CIDEA: variants seen among roughly 807,000 people sequenced by gnomAD.
The protein encoded by CIDEA is cell death inducing DFFA like effector a, also known as lipid transferase CIDEA.
In CIDEA, 10 loss-of-function variants were observed where a neutral mutation model predicts 18.2. That is an observed-to-expected ratio of 0.55 (90% CI 0.34 to 0.93). The LOEUF is 0.93. Ranked by LOEUF, CIDEA falls within the 40% of genes least tolerant of loss-of-function variation. The pLI is 0.02. For missense variants in CIDEA, 309 were observed against 293.1 expected (o/e 1.05, Z -0.40); for synonymous variants, 128 against 124.8 (o/e 1.03, Z -0.17).
rs529921819 is a variant in CIDEA at position 12,277,534 on chromosome 18, T to C, written c.*264T>C. ...GCAGGCGTGCCCAGGAGCGTGTGCA[T>C]GTGTCAGAGCCATTTGGTCCATCAT... is the stretch of plus-strand genomic sequence containing the variant. On this transcript the variant is annotated 3_prime_UTR_variant, in exon 5 of 5. Coordinates refer to ENST00000320477, the MANE Select transcript of CIDEA (RefSeq NM_001279.4). The C allele has an allele frequency of 5.1e-5, 23 of 448,338 alleles. No homozygotes were observed. Among genetic ancestry groups the C allele is most frequent in the African/African-American group, 3.5e-4 (18 of 51,126 alleles). The allele number at this position is 448,338 out of a possible 1,614,324, so 27.8% of individuals were successfully genotyped here. A position where few individuals can be genotyped will look rare whatever the true frequency, so the allele number is the denominator to read the frequency against.
At chr18:12,261,448 A>C (rs1912189014) in intron 1 of CIDEA, among the ~76,000 whole-genome samples, 1 of 152,216 alleles carries the variant, frequency 6.6e-6, no homozygotes, top group East Asian at 1.9e-4. Flanking sequence ...TTCTAGTGAC[A>C]GCAGCAGGGT....
intron 4 of CIDEA, among the ~76,000 whole-genome samples, chr18:12,275,051 G>A (rs548322308): frequency 1.6e-4 from 25 of 152,190 alleles, no homozygotes; most frequent in Non-Finnish European, 1.6e-4. Flanking sequence ...GGTCAGGCAT[G>A]GTGGCTCACA....
chr18:12,276,436 G>C (rs1905335877), intron 4 of CIDEA, among the ~76,000 whole-genome samples: 1 of 152,144 alleles, frequency 6.6e-6, no homozygotes, highest in African/African-American at 2.4e-5. Context: ...GGGATTATAG[G>C]CATGAGCCAC....
Position 12,274,156 on chromosome 18 carries a change from G to A in CIDEA, c.394G>A (p.Asp132Asn), listed in dbSNP as rs149856588. 39 of 1,614,036 alleles carry A rather than the reference G, an allele frequency of 2.4e-5. No homozygotes were observed. The highest frequency in any genetic ancestry group is 1.6e-4 in the East Asian group (7 of 44,894). ...GTCGGGAATAGCGAGAGTCACCTTC[G>A]ACTTGTACAGGCTGAACCCCAAGGA... ...KRSGIARVTF[D>N]LYRLNPKDFI... Residue 132 changes from aspartate to asparagine, a missense_variant, in exon 4 of 5, where the codon GAC becomes AAC. By Grantham distance (23) the Asp-to-Asn change is conservative (BLOSUM62 1). Transcript: ENST00000320477.
intron 3 of CIDEA, among the ~76,000 whole-genome samples, chr18:12,265,667 G>T (rs946479660): frequency 1.3e-5 from 2 of 152,216 alleles, no homozygotes; most frequent in African/African-American, 4.8e-5. Context: ...CTTTACTCCA[G>T]CCCCGTTTCC....
rs1208502283 is a variant in CIDEA at position 12,263,096 on chromosome 18, G to A, written c.183+127G>A. The A allele has an allele frequency of 1.4e-5, 13 of 912,684 alleles. No individual in the cohort carries two copies. In the African/African-American group the frequency reaches 1.5e-4, roughly 11 times the overall value. 56.5% of individuals were successfully genotyped at this position (912,684 alleles called of 1,614,324 possible). A position where few individuals can be genotyped will look rare whatever the true frequency, so the allele number is the denominator to read the frequency against. ...AAGAAAAGCAGCATCTCACTGGGGG[G>A]AAACGGGGAGAGAAATTGGGAATGA... On this transcript the variant is annotated intron_variant, in intron 2 of 4. Coordinates refer to ENST00000320477, the MANE Select transcript of CIDEA (RefSeq NM_001279.4).
chr18:12,272,149 T>TCGG (rs1555662635), intron 3 of CIDEA, among the ~76,000 whole-genome samples: 1 of 7,480 alleles, frequency 1.3e-4, no homozygotes, highest in African/African-American at 4.9e-4. Flanking sequence ...AGTGTGTGTG[T>TCGG]GGGGGGGGGG....
intron 4 of CIDEA, among the ~76,000 whole-genome samples, chr18:12,274,572 C>A (rs890514401): frequency 4.6e-5 from 7 of 152,294 alleles, no homozygotes; most frequent in African/African-American, 1.7e-4. Flanking sequence ...GCACTTAATT[C>A]TAGGTGATGA....
At chr18:12,267,706 G>A (rs888451660) in intron 3 of CIDEA, among the ~76,000 whole-genome samples, 2 of 152,152 alleles carry the variant, frequency 1.3e-5, no homozygotes, top group Non-Finnish European at 2.9e-5. Context: ...TGTTTTCCAG[G>A]CTGGTCTTGA....
At chr18:12,254,575 C>CCCATCCGCGCACACAG in intron 1 of CIDEA, 154 bp downstream of exon 1, 1 of 1,527,616 alleles carries the variant, frequency 6.5e-7, no homozygotes. Context: ...CGCGCACACA[C>CCCATCCGCGCACACAG]CCATCCGCCC....
At position 12,261,032 on chromosome 18, in the gene CIDEA, C is replaced by T. The variant is rs1598775171; in HGVS notation, c.39-1793C>T. On this transcript the variant is annotated intron_variant, in intron 1 of 4. Transcript: ENST00000320477. ...CCTGGCTCTAGGTAAGACCTGAACC[C>T]TTGCTGATTTCTGATTGTGTTATTT... Among the ~76,000 whole-genome samples, 3 of 152,258 alleles carry T rather than the reference C, an allele frequency of 2.0e-5. No individual in the cohort carries two copies. In the South Asian group the frequency reaches 6.2e-4, roughly 32 times the overall value.
At chr18:12,270,894 C>CTTTTTTTTTTTTT (rs771335202) in intron 3 of CIDEA, among the ~76,000 whole-genome samples, 42 of 59,974 alleles carry the variant, frequency 7.0e-4, no homozygotes, top group Non-Finnish European at 8.3e-4. Flanking sequence ...TTTTTCTTTT[C>CTTTTTTTTTTTTT]TTTTTTTTTT....
chr18:12,273,265 G>A (rs1413416065), intron 3 of CIDEA, among the ~76,000 whole-genome samples: 4 of 152,120 alleles, frequency 2.6e-5, no homozygotes, highest in East Asian at 1.9e-4. Context: ...CAGCTTCAGC[G>A]GCTCCCAACC....
intron 3 of CIDEA, among the ~76,000 whole-genome samples, chr18:12,272,207 T>G (rs1196079785): frequency 6.8e-6 from 1 of 147,316 alleles, no homozygotes; most frequent in African/African-American, 2.5e-5. Flanking sequence ...TTTGGTTGGG[T>G]TTTTTTGTTT....
chr18:12,255,749 A>G (rs1912015021), intron 1 of CIDEA, among the ~76,000 whole-genome samples: 1 of 152,224 alleles, frequency 6.6e-6, no homozygotes, highest in Non-Finnish European at 1.5e-5. Context: ...GCCTCTGAGC[A>G]GGATTCAGGC....
chr18:12,272,552 T>C (rs1276181812), intron 3 of CIDEA, among the ~76,000 whole-genome samples: 1 of 152,120 alleles, frequency 6.6e-6, no homozygotes, highest in African/African-American at 2.4e-5. Flanking sequence ...TTCGCCATGT[T>C]GACCAGGCTA....
Position 12,277,329 on chromosome 18 carries a change from G to T in CIDEA, c.*59G>T. 1.3e-6 allele frequency: 2 copies of T among 1,578,972 alleles called. No homozygotes were observed. Among genetic ancestry groups the T allele is most frequent in the Non-Finnish European group, 1.7e-6 (2 of 1,152,672 alleles). ...ACTGTGTTTCGTTTGGCTCAATGAC[G>T]AATGTTGAAGATGCTTTTATGTTCT... On this transcript the variant is annotated 3_prime_UTR_variant, in exon 5 of 5. Coordinates refer to ENST00000320477, the MANE Select transcript of CIDEA (RefSeq NM_001279.4).
intron 4 of CIDEA, among the ~76,000 whole-genome samples, chr18:12,274,689 CT>C (rs1450319798): frequency 1.3e-5 from 2 of 152,222 alleles, no homozygotes; most frequent in Non-Finnish European, 2.9e-5. Context: ...CTCCTGATAA[CT>C]TCAGCCTTAC....
At chr18:12,260,109 C>T (rs545709670) in intron 1 of CIDEA, among the ~76,000 whole-genome samples, 4 of 152,158 alleles carry the variant, frequency 2.6e-5, no homozygotes, top group Non-Finnish European at 4.4e-5. Context: ...AAGCTGGTAG[C>T]GTGAACTCAA....
Sources: gnomAD v4.1 joint callset for allele counts (sites outside exome capture counted in the v4.1 genomes callset) on GRCh38, gnomAD v4.1.1 for gene constraint, MANE v1.5 for transcripts, NCBI Gene and HGNC (gene_info 2026-07-23, HGNC 2026-07-21) for gene names.